SIRPA: variants seen among roughly 807,000 people sequenced by gnomAD.
The protein encoded by SIRPA is tyrosine-protein phosphatase non-receptor type substrate 1.
In SIRPA, 9 loss-of-function variants were observed where a neutral mutation model predicts 50.3. The observed-to-expected ratio is 0.18, with a 90% CI of 0.11 to 0.31. The LOEUF is 0.31. SIRPA is among the 10% of genes least tolerant of loss of function. The pLI, the probability that SIRPA is intolerant of heterozygous loss-of-function variation, is 1.00. For synonymous variants in SIRPA, 265 were observed against 284.1 expected, an observed-to-expected ratio of 0.93 and a Z score of 0.68; for missense variants, 474 against 661.6, an observed-to-expected ratio of 0.72 and a Z score of 3.11.
At chr20:1,912,346 A>C (rs1463561061) in intron 1 of SIRPA, among the ~76,000 whole-genome samples, 2 of 152,246 alleles carry the variant, frequency 1.3e-5, no homozygotes, top group African/African-American at 4.8e-5. Context: ...AGCCAGGCTG[A>C]GTCCCGGGCT....
intron 5 of SIRPA, among the ~76,000 whole-genome samples, chr20:1,926,085 C>G (rs1488212270): frequency 2.0e-5 from 3 of 152,234 alleles, no homozygotes; most frequent in African/African-American, 7.2e-5. Context: ...ACACTAATCA[C>G]GCATCCCTTC....
intron 1 of SIRPA, among the ~76,000 whole-genome samples, chr20:1,913,833 G>A (rs574252199): frequency 3.9e-5 from 6 of 152,156 alleles, no homozygotes; most frequent in South Asian, 2.1e-4. Context: ...CATCTTCAAC[G>A]CATCTCATGA....
intron 1 of SIRPA, among the ~76,000 whole-genome samples, chr20:1,912,540 T>C (rs1568499554): frequency 6.6e-6 from 1 of 152,266 alleles, no homozygotes; most frequent in East Asian, 1.9e-4. Flanking sequence ...AACAGTCCCT[T>C]GTGGATCCTA....
At chr20:1,895,331 G>A (rs914016977), upstream of SIRPA, 3 of 619,550 alleles carry the variant, frequency 4.8e-6, no homozygotes, top group Admixed American at 4.5e-5. Flanking sequence ...GAGTCGGGGG[G>A]AGGCCCAGCC....
At chr20:1,922,002 A>G (rs962216546) in intron 3 of SIRPA, among the ~76,000 whole-genome samples, 1 of 152,136 alleles carries the variant, frequency 6.6e-6, no homozygotes, top group African/African-American at 2.4e-5. Context: ...CTAAGCCTCT[A>G]TGTGCTTGGT....
At position 1,915,470 on chromosome 20, in the gene SIRPA, G is replaced by A. The variant is rs368482342; in HGVS notation, c.436+15G>A. ...GTCTGTGCGCGGTGAGTACAGCGTGGGCCTCCTTTGCCTCTGGTTTGTGAC... is the reference window on the plus strand; with the variant it reads ...GTCTGTGCGCGGTGAGTACAGCGTGAGCCTCCTTTGCCTCTGGTTTGTGAC... On this transcript the variant is annotated intron_variant, in intron 2 of 7. Transcript: ENST00000358771. 1 of 1,612,652 alleles carries A rather than the reference G, an allele frequency of 6.2e-7. No homozygotes were observed. The highest frequency in any genetic ancestry group is 8.5e-7 in the Non-Finnish European group (1 of 1,178,972).
chr20:1,938,033 G>A lies in SIRPA; in HGVS notation c.*465G>A, dbSNP rs1041673905. ...CCACTACCACCACCACCCAACTGGG[G>A]CTAGAGTGGGGAAGATTTCCCCTTT... On this transcript the variant is annotated 3_prime_UTR_variant, in exon 8 of 8. Transcript: ENST00000358771. The A allele has an allele frequency of 1.3e-5, 2 of 157,626 alleles. No individual in the cohort carries two copies. Among genetic ancestry groups the A allele is most frequent in the African/African-American group, 5.5e-5 (2 of 36,652 alleles). 9.8% of individuals were successfully genotyped at this position (157,626 alleles called of 1,614,324 possible).
Position 1,927,517 on chromosome 20 carries a change from AG to A in SIRPA, c.1202-355del, listed in dbSNP as rs1326263894. Among the ~76,000 whole-genome samples the A allele has an allele frequency of 1.3e-5, 2 of 152,206 alleles. No homozygotes were observed. Among genetic ancestry groups the A allele is most frequent in the African/African-American group, 4.8e-5 (2 of 41,442 alleles). ...GCTAGAATCTGTTTTCAAGCCACGA[AG>A]GGCACTGATTGGGACCTAGGCTTGT... On this transcript the variant is annotated intron_variant, in intron 5 of 7. Coordinates refer to ENST00000358771, the MANE Select transcript of SIRPA (RefSeq NM_001040023.2). This position sits in a 1 kb window ranked among gnomAD's most constrained non-coding sequence, Gnocchi z 6.5.
chr20:1,926,320 C>G (rs1985977507), intron 5 of SIRPA, among the ~76,000 whole-genome samples: 1 of 152,284 alleles, frequency 6.6e-6, no homozygotes, highest in Non-Finnish European at 1.5e-5. Flanking sequence ...GGTCCCTTCC[C>G]CACCAAGGGT....
chr20:1,925,296 A>G (rs1292607549), intron 5 of SIRPA, among the ~76,000 whole-genome samples: 1 of 152,228 alleles, frequency 6.6e-6, no homozygotes, highest in Admixed American at 6.5e-5. Flanking sequence ...AATGGAGATA[A>G]TAGCGCCACC....
Position 1,934,250 on chromosome 20 carries a change from C to A in SIRPA, c.1227-465C>A, listed in dbSNP as rs1002890850. Among the ~76,000 whole-genome samples, 2 of 152,202 alleles carry A rather than the reference C, an allele frequency of 1.3e-5. No individual in the cohort carries two copies. The highest frequency in any genetic ancestry group is 2.9e-5 in the Non-Finnish European group (2 of 68,046). ...GCCCTAAGACATAAACCTCCTCCCC[C>A]ATCCAGCCCTTGACAAATGCCTTTG... On this transcript the variant is annotated intron_variant, in intron 6 of 7. Transcript: ENST00000358771. This position sits in a 1 kb window ranked among gnomAD's most constrained non-coding sequence, Gnocchi z 4.6.
intron 1 of SIRPA, among the ~76,000 whole-genome samples, chr20:1,902,885 G>A (rs905877543): frequency 2.6e-5 from 4 of 152,022 alleles, no homozygotes; most frequent in Admixed American, 2.0e-4. Context: ...GGTGGCGTGC[G>A]CCTGGAATCC....
At chr20:1,914,055 T>C (rs115335382) in intron 1 of SIRPA, among the ~76,000 whole-genome samples, 1,706 of 152,298 alleles carry the variant, frequency 0.011, 35 homozygotes, top group African/African-American at 0.039. Flanking sequence ...GAGGCCTGGA[T>C]CACAGGGCAT....
intron 3 of SIRPA, among the ~76,000 whole-genome samples, 196 bp downstream of exon 3, chr20:1,921,908 C>A (rs1188691621): frequency 6.6e-6 from 1 of 152,092 alleles, no homozygotes; most frequent in Admixed American, 6.5e-5. Flanking sequence ...GGTGACCACA[C>A]CACCCACCAG....
In SIRPA at chr20:1,937,475, C is replaced by T. The variant is rs760740596; in HGVS notation, c.1422C>T (p.Asp474=). The change falls in exon 8 of 8, where the codon GAC becomes GAT. Residue 474 remains aspartate (D), a synonymous_variant. Coordinates refer to ENST00000358771, the MANE Select transcript of SIRPA (RefSeq NM_001040023.2). The surrounding 1 kb of genome is among the most constrained non-coding windows in gnomAD (Gnocchi z 8.3). The stretch of plus-strand genomic sequence containing the variant: ...ACACCCTCACCTATGCTGACCTGGA[C>T]ATGGTCCACCTCAACCGGACCCCCA... The part of the protein sequence containing the change: ...SEDTLTYADL[D]MVHLNRTPKQ... 1 of 1,614,154 alleles carries T rather than the reference C, an allele frequency of 6.2e-7. No individual in the cohort carries two copies. The highest frequency in any genetic ancestry group is 8.5e-7 in the Non-Finnish European group (1 of 1,180,014).
At chr20:1,908,534 G>A (rs1195179825) in intron 1 of SIRPA, among the ~76,000 whole-genome samples, 2 of 152,110 alleles carry the variant, frequency 1.3e-5, no homozygotes, top group African/African-American at 4.8e-5. Flanking sequence ...ACACAGTCCT[G>A]TGTTGCACTC....
At chr20:1,915,532 A>G (rs1985227837) in intron 2 of SIRPA, 77 bp downstream of exon 2, 3 of 1,535,018 alleles carry the variant, frequency 2.0e-6, no homozygotes, top group Non-Finnish European at 2.7e-6. Flanking sequence ...TCTTTGAGCA[A>G]TGATCAGGTG....
At chr20:1,923,306 G>T (rs998177472) in intron 4 of SIRPA, among the ~76,000 whole-genome samples, 2 of 152,204 alleles carry the variant, frequency 1.3e-5, no homozygotes, top group African/African-American at 4.8e-5. Context: ...TTTTCAAATG[G>T]TGGCACCTGA....
In SIRPA at chr20:1,915,356, C is replaced by G; in HGVS notation, c.337C>G (p.Pro113Ala). Residue 113 changes from proline (P) to alanine (A), a missense_variant, in exon 2 of 8, where the codon CCA (proline) becomes GCA (alanine). Around this residue, in one of 4 missense-constraint regions of SIRPA, gnomAD observed 221 missense variants for 359.9 expected, o/e 0.61. Coordinates refer to ENST00000358771, the MANE Select transcript of SIRPA (RefSeq NM_001040023.2). ...TTCCATCCGCATCGGTAACATCACCCCAGCAGATGCCGGCACCTACTACTG... is the reference window on the plus strand; with the variant it reads ...TTCCATCCGCATCGGTAACATCACCGCAGCAGATGCCGGCACCTACTACTG... ...DFSIRIGNITPADAGTYYCVK... is the reference protein window; with the variant it reads ...DFSIRIGNITAADAGTYYCVK... 1 of 1,612,488 alleles carries G rather than the reference C, an allele frequency of 6.2e-7. No homozygotes were observed. Among genetic ancestry groups the G allele is most frequent in the Non-Finnish European group, 8.5e-7 (1 of 1,179,496 alleles).
Sources: gnomAD v4.1 joint callset for allele counts (sites outside exome capture counted in the v4.1 genomes callset) on GRCh38, gnomAD v4.1.1 for gene constraint, gnomAD v4.1.1 regional missense constraint, Gnocchi (gnomAD v3.1) non-coding constraint, MANE v1.5 for transcripts, NCBI Gene and HGNC (gene_info 2026-07-23, HGNC 2026-07-21) for gene names.